Variants in CCDC148 observed in about 807,000 individuals in gnomAD.
The protein encoded by CCDC148 is coiled-coil domain containing 148.
In CCDC148, 89 loss-of-function variants were observed where a neutral mutation model predicts 85.7. That is an observed-to-expected ratio of 1.04 (90% confidence interval 0.87 to 1.24). The LOEUF is 1.24. CCDC148 is among the 50% of genes most tolerant of loss of function. The pLI, the probability that CCDC148 is intolerant of heterozygous loss-of-function variation, is 0.00. For missense variants in CCDC148, 692 were observed against 671.7 expected, an observed-to-expected ratio of 1.03 and a Z score of -0.33; for synonymous variants, 230 against 213.9, an observed-to-expected ratio of 1.08 and a Z score of -0.66.
chr2:158,388,356 C>T lies in CCDC148; in HGVS notation c.26-29786G>A, dbSNP rs144895020. The stretch of plus-strand genomic sequence containing the variant: ...GGCAGGGAACAGTACCCATTATCCC[C>T]ACCAGGGAGGAAAGGGTCACAGTAC... On this transcript the variant is annotated intron_variant, in intron 1 of 13. Coordinates refer to ENST00000283233, the MANE Select transcript of CCDC148 (RefSeq NM_138803.4). Among the ~76,000 whole-genome samples the T allele has an allele frequency of 9.6e-3, 1,459 of 152,280 alleles. 19 individuals carry two copies. Among genetic ancestry groups the T allele is most frequent in the African/African-American group, 0.033 (1,351 of 41,560 alleles).
intron 11 of CCDC148, among the ~76,000 whole-genome samples, chr2:158,183,740 T>C (rs1295607616): frequency 6.6e-6 from 1 of 152,172 alleles, no homozygotes; most frequent in Non-Finnish European, 1.5e-5. Context: ...GTTTAAGTCA[T>C]GTGGCTTAGT....
At chr2:158,287,201 G>A (rs952530149) in intron 9 of CCDC148, among the ~76,000 whole-genome samples, 1 of 152,124 alleles carries the variant, frequency 6.6e-6, no homozygotes, top group Non-Finnish European at 1.5e-5. Context: ...TAACACATGG[G>A]AATTCTGAGA....
chr2:158,401,215 G>C (rs542968731), intron 1 of CCDC148, among the ~76,000 whole-genome samples: 3 of 152,172 alleles, frequency 2.0e-5, no homozygotes, highest in Admixed American at 2.0e-4. Context: ...ATACCCAAAC[G>C]ATTATAAATC....
At chr2:158,360,325 G>T (rs965540168) in intron 1 of CCDC148, among the ~76,000 whole-genome samples, 1 of 152,118 alleles carries the variant, frequency 6.6e-6, no homozygotes, top group South Asian at 2.1e-4. Flanking sequence ...GCTCTGCTAG[G>T]GGTCAGACTG....
intron 10 of CCDC148, among the ~76,000 whole-genome samples, chr2:158,235,320 C>T (rs1312468115): frequency 6.6e-6 from 1 of 152,128 alleles, no homozygotes; most frequent in Admixed American, 6.5e-5. Flanking sequence ...TGACAAGAAT[C>T]CTACATATAT....
chr2:158,434,727 G>GA (rs1284083210), intron 1 of CCDC148, among the ~76,000 whole-genome samples: 7 of 152,178 alleles, frequency 4.6e-5, no homozygotes, highest in African/African-American at 1.4e-4. Context: ...TAAAAACCTT[G>GA]AAAAAAGATG....
intron 2 of CCDC148, among the ~76,000 whole-genome samples, chr2:158,351,435 GTCAGGGAGTTCCCTT>G (rs1683275981): frequency 6.8e-6 from 1 of 146,974 alleles, no homozygotes. Context: ...AGCGCAAGGG[GTCAGGGAGTTCCCTT>G]TCCGAGTCAA....
At chr2:158,356,487 T>C (rs1276097491) in intron 2 of CCDC148, among the ~76,000 whole-genome samples, 2 of 151,764 alleles carry the variant, frequency 1.3e-5, no homozygotes, top group Non-Finnish European at 2.9e-5. Flanking sequence ...AAAATGCTCA[T>C]CATCACTGGC....
intron 2 of CCDC148, among the ~76,000 whole-genome samples, chr2:158,357,329 A>G (rs1354003197): frequency 6.6e-6 from 1 of 152,146 alleles, no homozygotes; most frequent in Non-Finnish European, 1.5e-5. Context: ...TGACTATTGT[A>G]TCTTCAAGGC....
chr2:158,328,711 T>C (rs1335086668), intron 7 of CCDC148, among the ~76,000 whole-genome samples: 1 of 152,244 alleles, frequency 6.6e-6, no homozygotes, highest in Admixed American at 6.5e-5. Flanking sequence ...CCATTCTAAC[T>C]GGTGTGAGAT....
chr2:158,417,920 G>C (rs771353258), intron 1 of CCDC148, among the ~76,000 whole-genome samples: 15 of 152,090 alleles, frequency 9.9e-5, no homozygotes, highest in Non-Finnish European at 1.9e-4. Context: ...GCCAATTTTT[G>C]CATCATTCTG....
chr2:158,350,758 T>C (rs1481890324), intron 2 of CCDC148, among the ~76,000 whole-genome samples: 1 of 152,184 alleles, frequency 6.6e-6, no homozygotes, highest in Non-Finnish European at 1.5e-5. Flanking sequence ...ATATTTTTAA[T>C]TGACATATTG....
chr2:158,232,406 AT>A (rs563679293), intron 10 of CCDC148, among the ~76,000 whole-genome samples: 2 of 152,234 alleles, frequency 1.3e-5, no homozygotes, highest in South Asian at 4.1e-4. Flanking sequence ...ATTTTTTCCT[AT>A]TAAAAACTAC....
At chr2:158,272,085 G>C (rs2602202) in intron 9 of CCDC148, among the ~76,000 whole-genome samples, 20,310 of 152,116 alleles carry the variant, frequency 0.13, 1,435 homozygotes, top group Middle Eastern at 0.19. Context: ...TGTTCAGTTG[G>C]TTAATATCAG....
At chr2:158,374,286 C>T (rs891583083) in intron 1 of CCDC148, among the ~76,000 whole-genome samples, 10 of 151,984 alleles carry the variant, frequency 6.6e-5, no homozygotes, top group Admixed American at 2.6e-4. Flanking sequence ...CACACAACCC[C>T]CGCATGGAGA....
intron 10 of CCDC148, chr2:158,236,224 A>C (rs1688100247): frequency 6.6e-6 from 1 of 152,102 alleles, no homozygotes; most frequent in South Asian, 2.1e-4. Flanking sequence ...AAAGCTTCCC[A>C]CTCAAATTGG....
intron 11 of CCDC148, among the ~76,000 whole-genome samples, chr2:158,209,678 G>T (rs572330730): frequency 1.3e-5 from 2 of 152,276 alleles, no homozygotes; most frequent in Non-Finnish European, 2.9e-5. Flanking sequence ...TTAAAGAAAA[G>T]AATTTCAACC....
chr2:158,283,007 TG>T (rs1490336762), intron 9 of CCDC148, among the ~76,000 whole-genome samples: 1 of 152,108 alleles, frequency 6.6e-6, no homozygotes, highest in Non-Finnish European at 1.5e-5. Flanking sequence ...TTGACAAACC[TG>T]AGAAAAACAA....
intron 10 of CCDC148, among the ~76,000 whole-genome samples, chr2:158,232,433 A>G (rs1687898717): frequency 6.6e-6 from 1 of 152,146 alleles, no homozygotes; most frequent in African/African-American, 2.4e-5. Context: ...TAAACAGAAC[A>G]TTTATAATAT....
Sources: allele counts gnomAD v4.1 joint callset (sites outside exome capture counted in the v4.1 genomes callset), GRCh38; gene constraint gnomAD v4.1.1; transcripts MANE v1.5; gene names NCBI Gene and HGNC (gene_info 2026-07-23, HGNC 2026-07-21).